MAPK14: variants seen among roughly 807,000 people sequenced by gnomAD.
MAPK14 encodes the protein mitogen-activated protein kinase 14.
Under a neutral mutation model 49.6 loss-of-function variants are expected in MAPK14, and 16 were observed. That is an observed-to-expected ratio of 0.32 (90% CI 0.22 to 0.49). The LOEUF (loss-of-function observed/expected upper bound fraction) is 0.49, where lower values mean the gene tolerates loss of function less well. MAPK14 is among the 20% of genes least tolerant of loss of function. MAPK14 has a pLI of 0.99. For missense variants in MAPK14, 200 were observed against 441.2 expected, an observed-to-expected ratio of 0.45 and a Z score of 4.90; for synonymous variants, 142 against 158.0, an observed-to-expected ratio of 0.90 and a Z score of 0.76.
intron 2 of MAPK14, among the ~76,000 whole-genome samples, chr6:36,056,667 A>G (rs1318542587): frequency 1.3e-5 from 2 of 152,254 alleles, no homozygotes; most frequent in Admixed American, 6.5e-5. Flanking sequence ...TGTGTAAATC[A>G]GATCTCTAAT....
chr6:36,096,216 T>C, intron 9 of MAPK14, 150 bp downstream of exon 9: 1 of 602,236 alleles, frequency 1.7e-6, no homozygotes, highest in Non-Finnish European at 3.0e-6. Context: ...ACAGTGTGAG[T>C]GTGTGTGTGC....
At chr6:36,032,648 A>G (rs1048861085) in intron 1 of MAPK14, among the ~76,000 whole-genome samples, 1 of 152,240 alleles carries the variant, frequency 6.6e-6, no homozygotes, top group Non-Finnish European at 1.5e-5. Context: ...AACAGTGTTT[A>G]TTGAATACCT....
chr6:36,062,332 C>T (rs150461540), intron 3 of MAPK14, among the ~76,000 whole-genome samples: 1 of 152,152 alleles, frequency 6.6e-6, no homozygotes, highest in Non-Finnish European at 1.5e-5. Flanking sequence ...AACATCTTCA[C>T]CTACACTTGC....
intron 8 of MAPK14, among the ~76,000 whole-genome samples, chr6:36,086,772 C>G (rs998318353): frequency 6.6e-6 from 1 of 152,194 alleles, no homozygotes; most frequent in Non-Finnish European, 1.5e-5. Flanking sequence ...AAAGGAGGGA[C>G]TCCCCTATAA....
chr6:36,063,236 G>A (rs1055665020), intron 3 of MAPK14, among the ~76,000 whole-genome samples: 2 of 152,068 alleles, frequency 1.3e-5, no homozygotes, highest in Non-Finnish European at 2.9e-5. Flanking sequence ...TAACTGTAAC[G>A]TGATGCTATG....
rs61763106 is a variant in MAPK14, at chr6:36,072,865, AT to A, written c.306-5del. On this transcript the variant is annotated splice_polypyrimidine_tract_variant and splice_region_variant and intron_variant, in intron 3 of 11. Coordinates refer to ENST00000229794, the MANE Select transcript of MAPK14 (RefSeq NM_139012.3). The stretch of plus-strand genomic sequence containing the variant: ...TAGATTGTTATGTAACTTTTCACTA[AT>A]TTCTAGGTATCTGGTGACCCATCTC... 0.11 allele frequency: 162,430 copies of A among 1,470,880 alleles called. 15,608 individuals are homozygous for A. Among genetic ancestry groups the A allele is most frequent in the East Asian group, 0.53 (23,220 of 44,102 alleles). The allele number at this position is 1,470,880 out of a possible 1,614,324, so 91.1% of individuals were successfully genotyped here. A position where few individuals can be genotyped will look rare whatever the true frequency, so the allele number is the denominator to read the frequency against.
intron 8 of MAPK14, among the ~76,000 whole-genome samples, chr6:36,090,532 T>C (rs1023662022): frequency 2.0e-5 from 3 of 150,120 alleles, no homozygotes; most frequent in African/African-American, 7.4e-5. Context: ...TCTCTCTTTT[T>C]TTTTTTTTTT....
At chr6:36,082,999 G>C (rs1478493349) in intron 8 of MAPK14, among the ~76,000 whole-genome samples, 1 of 152,116 alleles carries the variant, frequency 6.6e-6, no homozygotes, top group Non-Finnish European at 1.5e-5. Flanking sequence ...TTTTGGTACT[G>C]GTTGTTAGTA....
At chr6:36,051,299 T>C (rs112201657) in intron 1 of MAPK14, among the ~76,000 whole-genome samples, 21,779 of 151,848 alleles carry the variant, frequency 0.14, 1,934 homozygotes, top group African/African-American at 0.26. Context: ...TTAGTAGAGA[T>C]GGGGTTTCAC....
intron 8 of MAPK14, among the ~76,000 whole-genome samples, chr6:36,086,138 G>A (rs1244575750): frequency 6.6e-6 from 1 of 152,124 alleles, no homozygotes; most frequent in Non-Finnish European, 1.5e-5. Context: ...CAGAATCTCT[G>A]GGACACAGCT....
intron 8 of MAPK14, among the ~76,000 whole-genome samples, chr6:36,095,686 C>G (rs1371517547): frequency 6.6e-6 from 1 of 152,172 alleles, no homozygotes. Context: ...TCTTTGGCAG[C>G]TAAGAACCAG....
At chr6:36,100,334 TATAAC>T (rs1243222089) in intron 9 of MAPK14, 6 of 1,164,724 alleles carry the variant, frequency 5.2e-6, no homozygotes. Flanking sequence ...ATTGCCACCG[TATAAC>T]CAACAGTTCT....
intron 3 of MAPK14, among the ~76,000 whole-genome samples, chr6:36,064,277 C>CG (rs1554181541): frequency 1.6e-5 from 2 of 125,758 alleles, no homozygotes; most frequent in South Asian, 3.2e-4. Context: ...CATGCCCCCC[C>CG]CCACCCCTTT....
At chr6:36,090,619 G>A (rs752179965) in intron 8 of MAPK14, among the ~76,000 whole-genome samples, 1 of 150,544 alleles carries the variant, frequency 6.6e-6, no homozygotes, top group Non-Finnish European at 1.5e-5. Context: ...TCCACCTCCC[G>A]TGTTCAAGCG....
chr6:36,046,821 C>G (rs889771287), intron 1 of MAPK14, among the ~76,000 whole-genome samples: 2 of 152,206 alleles, frequency 1.3e-5, no homozygotes, highest in Admixed American at 1.3e-4. Context: ...GCGGGCAACT[C>G]AAGTGGGCTT....
intron 9 of MAPK14, 140 bp downstream of exon 9, chr6:36,096,206 A>T: frequency 1.6e-6 from 1 of 629,988 alleles, no homozygotes; most frequent in East Asian, 2.7e-5. Context: ...GAGGTATAAG[A>T]CAGTGTGAGT....
intron 9 of MAPK14, chr6:36,097,181 G>C (rs1765474347): frequency 6.6e-6 from 1 of 152,202 alleles, no homozygotes; most frequent in South Asian, 2.1e-4. Context: ...GTGTATTTCT[G>C]AACCTCCACT....
intron 1 of MAPK14, among the ~76,000 whole-genome samples, chr6:36,044,431 C>T (rs1763092960): frequency 6.6e-6 from 1 of 152,184 alleles, no homozygotes; most frequent in South Asian, 2.1e-4. Flanking sequence ...TTGTCCAGCA[C>T]CTTACCTTTC....
Position 36,042,716 on chromosome 6 carries a change from G to A in MAPK14, c.117-9983G>A, listed in dbSNP as rs1038046536. Among the ~76,000 whole-genome samples the A allele has an allele frequency of 6.6e-5, 10 of 151,402 alleles. No homozygotes were observed. The South Asian group carries it at 8.4e-4, about 13-fold the overall frequency. Reference sequence around the variant, plus strand: ...ACTATGTCATGAAGTTGCCCAGGCTGGTCTTGAACTCCTGAGCTCAAGCTT... The same window carrying A: ...ACTATGTCATGAAGTTGCCCAGGCTAGTCTTGAACTCCTGAGCTCAAGCTT... On this transcript the variant is annotated intron_variant, in intron 1 of 11. Transcript: ENST00000229794.
Sources: allele counts gnomAD v4.1 joint callset (sites outside exome capture counted in the v4.1 genomes callset), GRCh38; gene constraint gnomAD v4.1.1; transcripts MANE v1.5; gene names NCBI Gene and HGNC (gene_info 2026-07-23, HGNC 2026-07-21).